Variants in THNSL1 observed in about 807,000 individuals in gnomAD.
The protein encoded by THNSL1 is threonine synthase-like 1.
In THNSL1, 48 loss-of-function variants were observed where a neutral mutation model predicts 50.4. The observed-to-expected ratio is 0.95, with a 90% CI of 0.76 to 1.21. The LOEUF (loss-of-function observed/expected upper bound fraction) is 1.21. Among genes scored for constraint, THNSL1 ranks in the 50% most tolerant of loss-of-function variants. THNSL1 has a pLI of 0.00. For missense variants in THNSL1, 896 were observed against 871.7 expected (o/e 1.03, Z -0.35); for synonymous variants, 309 against 306.1 (o/e 1.01, Z -0.10).
the THNSL1 span, among the ~76,000 whole-genome samples, chr10:24,952,865 G>A: frequency 1.3e-5 from 2 of 151,696 alleles, no homozygotes; most frequent in African/African-American, 4.8e-5. This position sits in a 1 kb window ranked among gnomAD's most constrained non-coding sequence, Gnocchi z 5.1. Context: ...CCTTGCGGCC[G>A]CCGCTGTCGC....
chr10:24,960,930 C>T, the THNSL1 span, among the ~76,000 whole-genome samples: 5 of 152,170 alleles, frequency 3.3e-5, no homozygotes, highest in African/African-American at 4.8e-5. Flanking sequence ...TACCTACACT[C>T]CCTTCCTCAG....
chr10:24,980,770 G>A, the THNSL1 span, among the ~76,000 whole-genome samples: 1 of 152,300 alleles, frequency 6.6e-6, no homozygotes, highest in South Asian at 2.1e-4. Flanking sequence ...AGGCTGGAGT[G>A]CAGTGGCGCC....
upstream of THNSL1, chr10:25,016,136 G>T: frequency 8.0e-7 from 1 of 1,245,062 alleles, no homozygotes. Flanking sequence ...TTTCTCTCCG[G>T]ATTGCTAAGC....
In THNSL1 at chr10:25,024,034, G is replaced by C; in HGVS notation, c.811G>C (p.Glu271Gln). 1.9e-6 allele frequency: 3 copies of C among 1,614,198 alleles called. No individual in the cohort carries two copies. Among genetic ancestry groups the C allele is most frequent in the East Asian group, 2.2e-5 (1 of 44,884 alleles). The change falls in exon 3 of 3, where the codon GAG (glutamate) becomes CAG (glutamine). Residue 271 changes from glutamate (E) to glutamine (Q), a missense_variant. Physicochemically the swap from Glu to Gln is conservative, Grantham distance 29. Coordinates refer to ENST00000376356, the MANE Select transcript of THNSL1 (RefSeq NM_024838.5). ...SDGGLFVPAKEFPKLSCGEWK... is the reference protein window; with the variant it reads ...SDGGLFVPAKQFPKLSCGEWK... ...TGGTGGCCTCTTTGTTCCTGCAAAG[G>C]AGTTTCCAAAATTAAGCTGCGGGGA...
chr10:24,986,451 T>C, the THNSL1 span, among the ~76,000 whole-genome samples: 1 of 152,200 alleles, frequency 6.6e-6, no homozygotes, highest in Non-Finnish European at 1.5e-5. Flanking sequence ...CTTGACAGTG[T>C]ATGCGATGTA....
In THNSL1 at chr10:25,025,212, A is replaced by T; in HGVS notation, c.1989A>T (p.Ser663=). 1.2e-6 allele frequency: 2 copies of T among 1,614,082 alleles called. No individual in the cohort carries two copies. Among genetic ancestry groups the T allele is most frequent in the South Asian group, 2.2e-5 (2 of 91,068 alleles). Residue 663 remains serine, a synonymous_variant, in exon 3 of 3, where the codon TCA becomes TCT. Coordinates refer to ENST00000376356, the MANE Select transcript of THNSL1 (RefSeq NM_024838.5). ...ACAAAACTTGCCCTGTGATTATCTC[A>T]TCTACAGCCCATTACTCAAAGTTTG... ...VQDKTCPVII[S]STAHYSKFAP... is the part of the protein sequence containing the mutation.
the THNSL1 span, among the ~76,000 whole-genome samples, chr10:25,009,669 A>G: frequency 9.4e-3 from 1,431 of 152,282 alleles, 22 homozygotes; most frequent in African/African-American, 0.032. Flanking sequence ...TGTAGCTCCC[A>G]TAATTCCTAT....
chr10:24,967,005 T>A, the THNSL1 span, among the ~76,000 whole-genome samples: 1 of 152,156 alleles, frequency 6.6e-6, no homozygotes, highest in African/African-American at 2.4e-5. Flanking sequence ...ACAATTTATT[T>A]TTTTTTTTAC....
the THNSL1 span, among the ~76,000 whole-genome samples, chr10:24,977,026 A>C: frequency 6.6e-6 from 1 of 152,238 alleles, no homozygotes; most frequent in African/African-American, 2.4e-5. Context: ...GAATAAAAAC[A>C]TAGGCATTAA....
Position 25,024,062 on chromosome 10 carries a change from G to A in THNSL1, c.839G>A (p.Trp280Ter). 1 of 1,614,152 alleles carries A rather than the reference G, an allele frequency of 6.2e-7. No individual in the cohort carries two copies. Among genetic ancestry groups the A allele is most frequent in the Non-Finnish European group, 8.5e-7 (1 of 1,180,008 alleles). ...KEFPKLSCGE[W>*]KSLVGATYVE... ...TTTCCAAAATTAAGCTGCGGGGAGT[G>A]GAAAAGCCTAGTAGGAGCAACCTAC... The change falls in exon 3 of 3, where the codon TGG becomes TAG. Residue 280 changes from tryptophan (W) to a stop codon, truncating the protein, a stop_gained. Coordinates refer to ENST00000376356, the MANE Select transcript of THNSL1 (RefSeq NM_024838.5). LOFTEE classifies it high-confidence loss of function.
the THNSL1 span, among the ~76,000 whole-genome samples, chr10:24,961,341 A>C: frequency 1.3e-5 from 2 of 152,336 alleles, no homozygotes; most frequent in South Asian, 4.1e-4. Flanking sequence ...ACCATTCCCC[A>C]GTATAAGTAT....
At chr10:24,970,996 C>T in the THNSL1 span, among the ~76,000 whole-genome samples, 1 of 152,196 alleles carries the variant, frequency 6.6e-6, no homozygotes, top group Non-Finnish European at 1.5e-5. Context: ...TGCACTCCAG[C>T]TTGGGTGACA....
chr10:24,998,280 TTTC>T, the THNSL1 span, among the ~76,000 whole-genome samples: 2 of 151,888 alleles, frequency 1.3e-5, no homozygotes, highest in Non-Finnish European at 2.9e-5. Flanking sequence ...TCTTTTTTCT[TTTC>T]TTTTCTTTTC....
the THNSL1 span, among the ~76,000 whole-genome samples, chr10:24,959,828 C>T: frequency 6.6e-6 from 1 of 152,050 alleles, no homozygotes; most frequent in East Asian, 1.9e-4. Flanking sequence ...ACTAAAAGGA[C>T]TAAATATTTT....
At chr10:24,987,447 G>A in the THNSL1 span, among the ~76,000 whole-genome samples, 10 of 151,778 alleles carry the variant, frequency 6.6e-5, 1 homozygote, top group South Asian at 2.1e-3. Context: ...GACCAGCCTG[G>A]GCAACATAGT....
the THNSL1 span, chr10:24,990,436 G>A: frequency 6.3e-7 from 1 of 1,594,796 alleles, no homozygotes; most frequent in Non-Finnish European, 8.5e-7. Flanking sequence ...AAGAGTTACA[G>A]ATGAATGTAA....
chr10:24,961,208 T>TTC, the THNSL1 span, among the ~76,000 whole-genome samples: 1 of 152,232 alleles, frequency 6.6e-6, no homozygotes, highest in Non-Finnish European at 1.5e-5. Context: ...CAGGCTGTAG[T>TTC]TCTGTTCCCT....
the THNSL1 span, among the ~76,000 whole-genome samples, chr10:24,981,508 T>C: frequency 6.6e-6 from 1 of 152,184 alleles, no homozygotes; most frequent in South Asian, 2.1e-4. Flanking sequence ...TTCAAACAAG[T>C]CCTCTCCTGC....
the THNSL1 span, among the ~76,000 whole-genome samples, chr10:24,989,780 GAATT>G: frequency 6.6e-6 from 1 of 151,974 alleles, no homozygotes; most frequent in Non-Finnish European, 1.5e-5. Flanking sequence ...AATAAACAAA[GAATT>G]AAGTATTATT....
Sources: allele counts gnomAD v4.1 joint callset (sites outside exome capture counted in the v4.1 genomes callset), GRCh38; gene constraint gnomAD v4.1.1; non-coding constraint Gnocchi (gnomAD v3.1); transcripts MANE v1.5; gene names NCBI Gene and HGNC (gene_info 2026-07-23, HGNC 2026-07-21).